Variants in EIF4G3 observed in about 807,000 individuals in gnomAD.
The protein encoded by EIF4G3 is eIF-4-gamma 3.
A neutral mutation model predicts 186.4 loss-of-function variants in EIF4G3; 34 were observed. The observed-to-expected ratio is 0.18, with a 90% confidence interval of 0.14 to 0.24. The LOEUF (loss-of-function observed/expected upper bound fraction) is 0.24, where lower values mean the gene tolerates loss of function less well. Ranked by LOEUF, EIF4G3 falls within the 10% of genes least tolerant of loss-of-function variation. EIF4G3 has a pLI of 1.00. For synonymous variants in EIF4G3, 673 were observed against 679.5 expected, an observed-to-expected ratio of 0.99 and a Z score of 0.15; for missense variants, 1,536 against 1,948.5, an observed-to-expected ratio of 0.79 and a Z score of 3.99.
intron 4 of EIF4G3, among the ~76,000 whole-genome samples, chr1:21,011,154 T>G (rs1006928812): frequency 1.3e-4 from 19 of 149,302 alleles, no homozygotes; most frequent in African/African-American, 4.7e-4. Context: ...ACCAAGGCAA[T>G]GATAGTCATT....
rs577290987 is a variant in EIF4G3, at chr1:20,857,162, C to CAAAAAAAAAAAAAAA, written c.3339+226_3339+240dup. Among the ~76,000 whole-genome samples the CAAAAAAAAAAAAAAA allele has an allele frequency of 7.2e-3, 342 of 47,316 alleles. 42 individuals are homozygous for CAAAAAAAAAAAAAAA. Among genetic ancestry groups the CAAAAAAAAAAAAAAA allele is most frequent in the African/African-American group, 0.026 (314 of 11,954 alleles). The allele number at this position is 47,316 out of a possible 152,430, so 31.0% of individuals were successfully genotyped here. A position where few individuals can be genotyped will look rare whatever the true frequency, so the allele number is the denominator to read the frequency against. On this transcript the variant is annotated intron_variant, in intron 25 of 36. Transcript: ENST00000602326. The stretch of plus-strand genomic sequence containing the variant: ...TGGGCGACAGAGTGAGACTCCATCT[C>CAAAAAAAAAAAAAAA]AAAAAAAAAAAAAAAAAGAAAATGT...
At chr1:20,961,293 G>C (rs1029843185) in intron 12 of EIF4G3, among the ~76,000 whole-genome samples, 14 of 152,116 alleles carry the variant, frequency 9.2e-5, no homozygotes, top group African/African-American at 3.4e-4. Context: ...TGAGGCAGGA[G>C]AATCGCTTGA....
chr1:21,049,438 A>C (rs986539817), intron 4 of EIF4G3, among the ~76,000 whole-genome samples: 4 of 152,222 alleles, frequency 2.6e-5, no homozygotes, highest in Non-Finnish European at 4.4e-5. Flanking sequence ...GTTCAGTCTA[A>C]GAAACCCAAC....
chr1:21,125,769 TATACACACAC>T (rs1451965396), intron 2 of EIF4G3, among the ~76,000 whole-genome samples: 7 of 114,506 alleles, frequency 6.1e-5, no homozygotes, highest in African/African-American at 1.7e-4. Flanking sequence ...TTTATATATA[TATACACACAC>T]ACACACACAC....
rs1292500781 is a variant in EIF4G3, at chr1:20,827,691, T to G, written c.4195A>C (p.Ser1399Arg). The part of the protein sequence containing the change: ...ISMRELTIEF[S>R]KPLLPVGRAG... ...CTTCCAACAGGAAGTAAAGGTTTGC[T>G]AAATTCTCTGTAAAAGATAGGAGCA... is the stretch of plus-strand genomic sequence containing the variant. The change falls in exon 32 of 37, where the codon AGC (serine) becomes CGC (arginine). Residue 1399 changes from serine (S) to arginine (R), a missense_variant. Around this residue, in one of 11 missense-constraint regions of EIF4G3, gnomAD observed 395 missense variants for 498.9 expected, o/e 0.79. Coordinates refer to ENST00000602326, the MANE Select transcript of EIF4G3 (RefSeq NM_001391906.1). The G allele has an allele frequency of 6.2e-7, 1 of 1,609,160 alleles. No individual in the cohort carries two copies. Among genetic ancestry groups the G allele is most frequent in the East Asian group, 2.2e-5 (1 of 44,834 alleles).
chr1:20,867,776 A>T (rs2077925512), intron 20 of EIF4G3, among the ~76,000 whole-genome samples: 1 of 152,250 alleles, frequency 6.6e-6, no homozygotes, highest in South Asian at 2.1e-4. Flanking sequence ...AATGCAAGAG[A>T]AACAAAAGTC....
At chr1:20,893,813 T>C (rs780718720) in intron 17 of EIF4G3, among the ~76,000 whole-genome samples, 177 bp from the exon 18 acceptor site, 1 of 151,126 alleles carries the variant, frequency 6.6e-6, no homozygotes, top group Non-Finnish European at 1.5e-5. Context: ...CTTAGAGCCA[T>C]TAGGCTAAAA....
intron 3 of EIF4G3, among the ~76,000 whole-genome samples, chr1:21,081,364 C>T (rs4654733): frequency 8.5e-5 from 13 of 152,216 alleles, no homozygotes; most frequent in African/African-American, 2.9e-4. Context: ...ACCTGGGAGG[C>T]GGAGGTTGCA....
chr1:21,167,397 G>C (rs903724729), intron 2 of EIF4G3, among the ~76,000 whole-genome samples: 1 of 152,010 alleles, frequency 6.6e-6, no homozygotes, highest in African/African-American at 2.4e-5. Flanking sequence ...TGCCAGACGC[G>C]ATGGCTCACG....
intron 3 of EIF4G3, among the ~76,000 whole-genome samples, chr1:21,082,295 G>A (rs769690521): frequency 5.3e-5 from 8 of 151,528 alleles, no homozygotes; most frequent in Non-Finnish European, 8.8e-5. Flanking sequence ...GGCAGTAGGA[G>A]GTGAACTGAG....
chr1:20,914,449 A>T (rs1303581764), intron 14 of EIF4G3, among the ~76,000 whole-genome samples: 2 of 152,114 alleles, frequency 1.3e-5, no homozygotes, highest in Non-Finnish European at 2.9e-5. Context: ...ACAGCCAAAG[A>T]ATGTAAGCAG....
intron 2 of EIF4G3, among the ~76,000 whole-genome samples, chr1:21,103,177 A>T (rs1008962536): frequency 6.6e-6 from 1 of 152,174 alleles, no homozygotes; most frequent in African/African-American, 2.4e-5. Flanking sequence ...AGACTGAAAA[A>T]TTGCAGTCTG....
At chr1:20,998,212 T>TACACAC (rs5772928) in intron 6 of EIF4G3, among the ~76,000 whole-genome samples, 11,176 of 148,434 alleles carry the variant, frequency 0.075, 450 homozygotes, top group Non-Finnish European at 0.099. Flanking sequence ...TTTATGACTT[T>TACACAC]ACACACACAC....
At chr1:20,838,310 C>G (rs147344518) in intron 30 of EIF4G3, among the ~76,000 whole-genome samples, 153 of 152,154 alleles carry the variant, frequency 1.0e-3, no homozygotes, top group African/African-American at 3.6e-3. Flanking sequence ...TTTGAAGAGA[C>G]AGAAAATGGT....
rs149057414 is a variant in EIF4G3, at chr1:20,977,810, C to T, written c.493+2524G>A. On this transcript the variant is annotated intron_variant, in intron 10 of 36. Transcript: ENST00000602326. ...ACATTCAAATCTGCACATTATGTCT[C>T]TACTAGTAAATTCATCATTACTGTT... 3.4e-3 allele frequency among the ~76,000 whole-genome samples: 525 copies of T among 152,256 alleles called. 3 individuals are homozygous for T. The highest frequency in any genetic ancestry group is 5.7e-3 in the Non-Finnish European group (387 of 68,006).
chr1:20,821,478 T>A (rs1557781418), intron 33 of EIF4G3, among the ~76,000 whole-genome samples: 1 of 152,224 alleles, frequency 6.6e-6, no homozygotes, highest in Admixed American at 6.5e-5. Context: ...TCTAAAACAG[T>A]TGGCTCTAAC....
intron 12 of EIF4G3, among the ~76,000 whole-genome samples, chr1:20,951,923 A>C (rs2096239653): frequency 6.6e-6 from 1 of 152,236 alleles, no homozygotes; most frequent in Non-Finnish European, 1.5e-5. Flanking sequence ...GAAAGAATCT[A>C]TGTATAAAGA....
rs1450827586 is a variant in EIF4G3 at position 20,941,992 on chromosome 1, C to T, written c.1162G>A (p.Asp388Asn). 3 of 1,614,130 alleles carry T rather than the reference C, an allele frequency of 1.9e-6. No homozygotes were observed. Among genetic ancestry groups the T allele is most frequent in the Non-Finnish European group, 2.5e-6 (3 of 1,180,028 alleles). The change falls in exon 14 of 37, where the codon GAT (aspartate) becomes AAT (asparagine). Residue 388 changes from aspartate to asparagine, a missense_variant. By Grantham distance (23) the Asp-to-Asn change is conservative (BLOSUM62 1). Transcript: ENST00000602326. ...TSDPLPTNEN[D>N]DDICKKPCSV... ...CAGGGTTTCTTGCATATATCATCAT[C>T]ATTTTCATTTGTTGGTAAAGGGTCT...
intron 4 of EIF4G3, among the ~76,000 whole-genome samples, chr1:21,024,068 C>T (rs1156869107): frequency 3.3e-5 from 5 of 151,082 alleles, no homozygotes; most frequent in Non-Finnish European, 7.4e-5. Context: ...CCGGCAGCTG[C>T]CCCGTCTGAG....
Sources: gnomAD v4.1 joint callset for allele counts (sites outside exome capture counted in the v4.1 genomes callset) on GRCh38, gnomAD v4.1.1 for gene constraint, gnomAD v4.1.1 regional missense constraint, MANE v1.5 for transcripts, NCBI Gene and HGNC (gene_info 2026-07-23, HGNC 2026-07-21) for gene names.